Variants in MEIKIN observed in about 807,000 individuals in gnomAD.
The protein encoded by MEIKIN is meiosis-specific kinetochore protein.
chr5:131,875,404 A>G (rs1208809646), intron 9 of MEIKIN, among the ~76,000 whole-genome samples: 1 of 152,190 alleles, frequency 6.6e-6, no homozygotes, highest in Non-Finnish European at 1.5e-5. Flanking sequence ...ATGGCTTCAA[A>G]GAGAATAAAA....
intron 9 of MEIKIN, among the ~76,000 whole-genome samples, chr5:131,856,628 A>G (rs949748962): frequency 3.9e-5 from 6 of 152,084 alleles, no homozygotes; most frequent in Admixed American, 6.5e-5. Context: ...TTTCTTAGTC[A>G]TTAGCCCCTG....
intron 8 of MEIKIN, among the ~76,000 whole-genome samples, chr5:131,881,709 T>C (rs1348163237): frequency 1.3e-5 from 2 of 152,184 alleles, no homozygotes; most frequent in Non-Finnish European, 2.9e-5. Context: ...TCTTGGTATA[T>C]ATGTATTCAT....
intron 11 of MEIKIN, among the ~76,000 whole-genome samples, chr5:131,825,093 A>C (rs1749589359): frequency 6.6e-6 from 1 of 152,046 alleles, no homozygotes; most frequent in South Asian, 2.1e-4. Flanking sequence ...CCAGCCACTC[A>C]AGAGGCTAAG....
chr5:131,829,552 T>C (rs1413738370), intron 11 of MEIKIN, among the ~76,000 whole-genome samples: 1 of 152,090 alleles, frequency 6.6e-6, no homozygotes, highest in Non-Finnish European at 1.5e-5. Flanking sequence ...TCTGAAGATC[T>C]AGAGAGGCAA....
intron 7 of MEIKIN, among the ~76,000 whole-genome samples, chr5:131,914,493 G>A (rs1416050135): frequency 7.1e-6 from 1 of 140,576 alleles, no homozygotes; most frequent in African/African-American, 2.6e-5. Context: ...GAGAGAAAGA[G>A]GAGAAAAAGA....
chr5:131,855,226 T>C, intron 9 of MEIKIN, among the ~76,000 whole-genome samples: 1 of 152,192 alleles, frequency 6.6e-6, no homozygotes, highest in East Asian at 1.9e-4. Context: ...TATATTATTG[T>C]ACTTTTTGTG....
intron 9 of MEIKIN, among the ~76,000 whole-genome samples, chr5:131,874,305 A>G (rs1204499640): frequency 6.6e-6 from 1 of 152,222 alleles, no homozygotes; most frequent in African/African-American, 2.4e-5. Flanking sequence ...AGAAAATGAT[A>G]AAGGGGATAT....
At chr5:131,934,983 G>A (rs1037810267) in intron 4 of MEIKIN, among the ~76,000 whole-genome samples, 6 of 151,754 alleles carry the variant, frequency 4.0e-5, no homozygotes, top group African/African-American at 1.2e-4. Context: ...TTGAACCCAG[G>A]AGGTGGAGGT....
chr5:131,905,085 A>AG (rs1751221848), intron 8 of MEIKIN, among the ~76,000 whole-genome samples: 1 of 152,176 alleles, frequency 6.6e-6, no homozygotes, highest in Admixed American at 6.5e-5. Flanking sequence ...CCTATGTAAC[A>AG]AACCTGCACG....
intron 11 of MEIKIN, among the ~76,000 whole-genome samples, chr5:131,826,281 G>A (rs1257717881): frequency 6.6e-6 from 1 of 151,174 alleles, no homozygotes; most frequent in Non-Finnish European, 1.5e-5. Flanking sequence ...GTCCTAAGAG[G>A]CAAGAATAAA....
intron 7 of MEIKIN, among the ~76,000 whole-genome samples, chr5:131,913,759 A>G (rs924906083): frequency 9.2e-5 from 14 of 152,384 alleles, no homozygotes; most frequent in African/African-American, 3.1e-4. Context: ...CAGTAAGGCC[A>G]CTGTCCAAAC....
At chr5:131,933,950 T>A (rs949380807) in intron 4 of MEIKIN, among the ~76,000 whole-genome samples, 1 of 152,026 alleles carries the variant, frequency 6.6e-6, no homozygotes, top group Non-Finnish European at 1.5e-5. Flanking sequence ...TTTAATTTTT[T>A]AATTTTTTTT....
At chr5:131,852,694 G>T (rs1012423736) in intron 10 of MEIKIN, among the ~76,000 whole-genome samples, 1 of 152,072 alleles carries the variant, frequency 6.6e-6, no homozygotes, top group Admixed American at 6.6e-5. Flanking sequence ...GACTATTAAC[G>T]AATAGGGTGA....
intron 5 of MEIKIN, among the ~76,000 whole-genome samples, chr5:131,926,184 T>C (rs898600991): frequency 6.6e-6 from 1 of 152,204 alleles, no homozygotes; most frequent in Non-Finnish European, 1.5e-5. Context: ...GCTTCTCATA[T>C]ACAGTCTTTA....
At chr5:131,921,305 A>G (rs1487224513) in intron 6 of MEIKIN, among the ~76,000 whole-genome samples, 1 of 152,194 alleles carries the variant, frequency 6.6e-6, no homozygotes, top group Non-Finnish European at 1.5e-5. Flanking sequence ...TGAGGCCAGG[A>G]GTTTGAGACC....
chr5:131,841,213 T>C (rs1234638359), intron 11 of MEIKIN, among the ~76,000 whole-genome samples: 2 of 152,186 alleles, frequency 1.3e-5, no homozygotes. Flanking sequence ...AGGAACTTAC[T>C]GCACTGGGTG....
At chr5:131,906,107 T>C (rs1751238534) in intron 8 of MEIKIN, among the ~76,000 whole-genome samples, 1 of 151,992 alleles carries the variant, frequency 6.6e-6, no homozygotes, top group Non-Finnish European at 1.5e-5. Flanking sequence ...TGGGAGAAAA[T>C]ATTTGCTAAC....
chr5:131,871,645 G>C (rs915845794), intron 9 of MEIKIN, among the ~76,000 whole-genome samples: 4 of 152,188 alleles, frequency 2.6e-5, no homozygotes, highest in African/African-American at 9.7e-5. Context: ...GCTTTGAAGA[G>C]AGTAGTGGTT....
chr5:131,922,449 T>C (rs959354321), intron 5 of MEIKIN, among the ~76,000 whole-genome samples: 1 of 152,074 alleles, frequency 6.6e-6, no homozygotes, highest in Non-Finnish European at 1.5e-5. Flanking sequence ...TTACATTGCA[T>C]TAAGTATTAT....
Sources: allele counts gnomAD v4.1 joint callset (sites outside exome capture counted in the v4.1 genomes callset), GRCh38; gene constraint gnomAD v4.1.1; transcripts MANE v1.5; gene names NCBI Gene and HGNC (gene_info 2026-07-23, HGNC 2026-07-21).